The following PEX14 variants were observed in gnomAD, a reference collection of about 807,000 sequenced individuals.
The protein encoded by PEX14 is peroxisomal biogenesis factor 14, also known as peroxisomal membrane protein PEX14.
Under a neutral mutation model 49.5 loss-of-function variants are expected in PEX14, and 15 were observed. That is an observed-to-expected ratio of 0.30 (90% CI 0.20 to 0.47). The LOEUF is 0.47. Among genes scored for constraint, PEX14 ranks in the 20% least tolerant of loss-of-function variants. The pLI is 1.00. For synonymous variants in PEX14, 210 were observed against 212.7 expected (o/e 0.99, Z 0.11); for missense variants, 398 against 494.8 (o/e 0.80, Z 1.86).
intron 2 of PEX14, among the ~76,000 whole-genome samples, chr1:10,496,124 A>G (rs1025567821): frequency 1.3e-5 from 2 of 152,078 alleles, no homozygotes; most frequent in Non-Finnish European, 2.9e-5. Flanking sequence ...CAGTCGCGGG[A>G]GGAGATGACG....
intron 1 of PEX14, among the ~76,000 whole-genome samples, chr1:10,492,984 T>C (rs1425152848): frequency 6.6e-6 from 1 of 152,148 alleles, no homozygotes; most frequent in East Asian, 1.9e-4. Flanking sequence ...AGAGAAGGAA[T>C]GCTTCCCTGA....
chr1:10,552,958 C>T (rs767874113), intron 3 of PEX14, among the ~76,000 whole-genome samples: 2 of 152,028 alleles, frequency 1.3e-5, no homozygotes, highest in East Asian at 1.9e-4. Flanking sequence ...GGCGAGAGAT[C>T]GAGGAGACAG....
chr1:10,490,121 G>C (rs1042590714), intron 1 of PEX14, among the ~76,000 whole-genome samples: 1 of 152,202 alleles, frequency 6.6e-6, no homozygotes, highest in Non-Finnish European at 1.5e-5. Context: ...TGAGGAAACT[G>C]AGGCTCAGAG....
chr1:10,600,940 T>C (rs1466634720), intron 4 of PEX14, among the ~76,000 whole-genome samples: 1 of 151,084 alleles, frequency 6.6e-6, no homozygotes, highest in Non-Finnish European at 1.5e-5. Context: ...GAGACCACCC[T>C]GGGCAACAAG....
chr1:10,557,313 C>T (rs1173163198), intron 3 of PEX14, among the ~76,000 whole-genome samples: 3 of 152,162 alleles, frequency 2.0e-5, no homozygotes, highest in African/African-American at 7.2e-5. Context: ...AGGCTGGGTG[C>T]AATGGCTCAC....
At chr1:10,557,133 A>G (rs1447298403) in intron 3 of PEX14, among the ~76,000 whole-genome samples, 1 of 152,054 alleles carries the variant, frequency 6.6e-6, no homozygotes, top group Admixed American at 6.6e-5. Context: ...CTCTAGCATC[A>G]ATTTTAGTAA....
intron 3 of PEX14, among the ~76,000 whole-genome samples, chr1:10,578,550 C>G (rs1000350692): frequency 2.0e-5 from 3 of 151,992 alleles, no homozygotes; most frequent in Non-Finnish European, 2.9e-5. Context: ...TAAAAAACTA[C>G]TAGATGTGAG....
chr1:10,585,091 A>C (rs563968814), intron 3 of PEX14, among the ~76,000 whole-genome samples: 3 of 152,324 alleles, frequency 2.0e-5, no homozygotes, highest in Admixed American at 2.0e-4. Flanking sequence ...CAAGTGTTTT[A>C]GTCTCAGGAC....
intron 3 of PEX14, among the ~76,000 whole-genome samples, chr1:10,573,486 C>A (rs6664134): frequency 0.62 from 93,440 of 151,924 alleles, 29,993 homozygotes; most frequent in Admixed American, 0.7. Flanking sequence ...CGTTAATAAT[C>A]ATATAAAAAG....
chr1:10,540,601 G>GA (rs59541219), intron 3 of PEX14, among the ~76,000 whole-genome samples: 72,335 of 150,422 alleles, frequency 0.48, 19,284 homozygotes, highest in Non-Finnish European at 0.59. Context: ...CCATCTCCAG[G>GA]AAAAAAAAAA....
intron 3 of PEX14, among the ~76,000 whole-genome samples, chr1:10,557,230 CTCT>C (rs1001675847): frequency 6.6e-6 from 1 of 152,180 alleles, no homozygotes; most frequent in African/African-American, 2.4e-5. Flanking sequence ...ATTATAGCAA[CTCT>C]TCTTTAAGTA....
rs1275103035 is a variant in PEX14 at position 10,495,070 on chromosome 1, CT to C, written c.37-202del. The C allele has an allele frequency of 4.1e-6, 4 of 982,132 alleles. No homozygotes were observed. The African/African-American group carries it at 7.0e-5, about 17-fold the overall frequency. The allele number at this position is 982,132 out of a possible 1,614,324, so 60.8% of individuals were successfully genotyped here. Reference sequence around the variant, plus strand: ...TGTGACAAGTGAACCCAGAAACAGTCTTCATCTTCCCTGGTGAATTCAGACT... The same window carrying C: ...TGTGACAAGTGAACCCAGAAACAGTCTCATCTTCCCTGGTGAATTCAGACT... On this transcript the variant is annotated intron_variant, in intron 1 of 8. Transcript: ENST00000356607. The surrounding 1 kb of genome is among the most constrained non-coding windows in gnomAD (Gnocchi z 4.2).
chr1:10,498,953 G>A (rs1325489690), intron 2 of PEX14, among the ~76,000 whole-genome samples: 2 of 152,190 alleles, frequency 1.3e-5, no homozygotes, highest in South Asian at 2.1e-4. Context: ...CCACAGTTGT[G>A]TGCCTGTCCT....
chr1:10,477,484 C>G (rs1473406737), intron 1 of PEX14, among the ~76,000 whole-genome samples: 1 of 152,194 alleles, frequency 6.6e-6, no homozygotes, highest in East Asian at 1.9e-4. Flanking sequence ...AAGTCTTGAT[C>G]AATCCAGTTT....
At chr1:10,542,967 T>G (rs1051748086) in intron 3 of PEX14, among the ~76,000 whole-genome samples, 2 of 152,212 alleles carry the variant, frequency 1.3e-5, no homozygotes, top group Non-Finnish European at 1.5e-5. Flanking sequence ...TGCTTAAATT[T>G]CATGGGATTA....
At position 10,597,373 on chromosome 1, in the gene PEX14, C is replaced by T. The variant is rs531789661; in HGVS notation, c.170-1865C>T. On this transcript the variant is annotated intron_variant, in intron 3 of 8. Transcript: ENST00000356607. The surrounding 1 kb of genome is among the most constrained non-coding windows in gnomAD (Gnocchi z 5.7). The stretch of plus-strand genomic sequence containing the variant: ...CCCACCAGGGCTCCGAAAGGGGTTC[C>T]CCTTCCTGTTTAGTCGGAGCGATCG... Among the ~76,000 whole-genome samples the T allele has an allele frequency of 8.5e-5, 13 of 152,296 alleles. No homozygotes were observed. Among genetic ancestry groups the T allele is most frequent in the African/African-American group, 2.9e-4 (12 of 41,564 alleles).
chr1:10,624,221 G>T (rs891923452), intron 6 of PEX14, 119 bp from the exon 7 acceptor site: 1 of 780,562 alleles, frequency 1.3e-6, no homozygotes, highest in Non-Finnish European at 2.4e-6. Context: ...GGGGCTGGGG[G>T]TGTCTGCAGA....
intron 2 of PEX14, among the ~76,000 whole-genome samples, chr1:10,505,569 G>A (rs769586619): frequency 6.6e-6 from 1 of 151,732 alleles, no homozygotes; most frequent in African/African-American, 2.4e-5. Flanking sequence ...ATAGAGACAG[G>A]GTCCCACCGT....
intron 3 of PEX14, among the ~76,000 whole-genome samples, chr1:10,589,568 T>A (rs1640599597): frequency 8.1e-6 from 1 of 122,850 alleles, no homozygotes; most frequent in African/African-American, 3.4e-5. Flanking sequence ...TAGTTTTGTT[T>A]GTTTGTTTGT....
Sources: gnomAD v4.1 joint callset for allele counts (sites outside exome capture counted in the v4.1 genomes callset) on GRCh38, gnomAD v4.1.1 for gene constraint, Gnocchi (gnomAD v3.1) non-coding constraint, MANE v1.5 for transcripts, NCBI Gene and HGNC (gene_info 2026-07-23, HGNC 2026-07-21) for gene names.